IMMP2L: variants seen among roughly 807,000 people sequenced by gnomAD.
The protein encoded by IMMP2L is inner mitochondrial membrane peptidase subunit 2.
Under a neutral mutation model 19.3 loss-of-function variants are expected in IMMP2L, and 18 were observed. The observed-to-expected ratio is 0.93, with a 90% confidence interval of 0.64 to 1.38. IMMP2L has a LOEUF of 1.38. Among genes scored for constraint, IMMP2L ranks in the 40% most tolerant of loss-of-function variants. IMMP2L has a pLI of 0.00. For synonymous variants in IMMP2L, 76 were observed against 73.0 expected (o/e 1.04, Z -0.21); for missense variants, 233 against 218.2 (o/e 1.07, Z -0.43).
In IMMP2L at chr7:111,081,730, G is replaced by C. The variant is rs116846917; in HGVS notation, c.240-118165C>G. 7.7e-4 allele frequency among the ~76,000 whole-genome samples: 117 copies of C among 152,246 alleles called. 2 individuals carry two copies. The East Asian group carries it at 0.02, about 26-fold the overall frequency. On this transcript the variant is annotated intron_variant, in intron 3 of 5. Coordinates refer to ENST00000405709, the MANE Select transcript of IMMP2L (RefSeq NM_032549.4). The stretch of plus-strand genomic sequence containing the variant: ...TTAAAGTAGCTCAACACAGAGGTAA[G>C]AATGACTTCCTCCTGTGACTTTCTA...
intron 3 of IMMP2L, among the ~76,000 whole-genome samples, chr7:111,050,686 G>A (rs1461778522): frequency 6.6e-6 from 1 of 152,146 alleles, no homozygotes; most frequent in Non-Finnish European, 1.5e-5. Flanking sequence ...AACTCTAATT[G>A]CTGCCTGTTT....
At chr7:111,266,251 G>T (rs907055083) in intron 3 of IMMP2L, among the ~76,000 whole-genome samples, 6 of 152,018 alleles carry the variant, frequency 3.9e-5, no homozygotes, top group Admixed American at 3.9e-4. Context: ...GTCATTAAAA[G>T]AAACCAGGGA....
chr7:111,112,292 T>C (rs1333913007), intron 3 of IMMP2L, among the ~76,000 whole-genome samples: 1 of 152,122 alleles, frequency 6.6e-6, no homozygotes, highest in Non-Finnish European at 1.5e-5. Context: ...AACCTGCATA[T>C]AGTGCCTTTA....
At chr7:110,761,592 C>G (rs1798352318) in intron 5 of IMMP2L, among the ~76,000 whole-genome samples, 1 of 152,110 alleles carries the variant, frequency 6.6e-6, no homozygotes, top group Non-Finnish European at 1.5e-5. Flanking sequence ...ATGAAAATAA[C>G]CATTTATACT....
chr7:110,811,064 A>C, intron 5 of IMMP2L, among the ~76,000 whole-genome samples: 1 of 152,006 alleles, frequency 6.6e-6, no homozygotes, highest in East Asian at 1.9e-4. Flanking sequence ...AAGATTCCCC[A>C]GGCTCTGGCT....
At chr7:110,937,355 G>T (rs1816237255) in intron 4 of IMMP2L, among the ~76,000 whole-genome samples, 1 of 152,116 alleles carries the variant, frequency 6.6e-6, no homozygotes, top group Non-Finnish European at 1.5e-5. Context: ...AGGAGTGGGC[G>T]TGGGCCACTG....
chr7:110,806,604 T>C (rs572618311), intron 5 of IMMP2L, among the ~76,000 whole-genome samples: 4 of 151,978 alleles, frequency 2.6e-5, no homozygotes, highest in African/African-American at 9.6e-5. Context: ...ACCCAAAAAA[T>C]AGTTGGTCTC....
At chr7:110,694,605 G>A (rs1006622698) in intron 5 of IMMP2L, among the ~76,000 whole-genome samples, 2 of 152,162 alleles carry the variant, frequency 1.3e-5, no homozygotes, top group Non-Finnish European at 2.9e-5. Context: ...GCAATTGACT[G>A]AGGCATAGTG....
rs187473196 is a variant in IMMP2L at position 111,081,959 on chromosome 7, G to T, written c.240-118394C>A. 2.9e-3 allele frequency among the ~76,000 whole-genome samples: 437 copies of T among 152,316 alleles called. 3 individuals are homozygous for T. Among genetic ancestry groups the T allele is most frequent in the Middle Eastern group, 0.014 (4 of 294 alleles). ...TTAAGTAGGAGCTGCTTTCTTTGCT[G>T]TAGGTTGGCAGAAGCTGGAGAGTGG... On this transcript the variant is annotated intron_variant, in intron 3 of 5. Transcript: ENST00000405709.
chr7:110,955,510 T>C (rs1242224187), intron 4 of IMMP2L, among the ~76,000 whole-genome samples: 2 of 151,572 alleles, frequency 1.3e-5, no homozygotes, highest in Admixed American at 1.3e-4. Flanking sequence ...GCAGCATCGG[T>C]CAGACCCCAA....
chr7:111,539,657 C>A (rs1018820561), intron 1 of IMMP2L, among the ~76,000 whole-genome samples: 1 of 150,428 alleles, frequency 6.6e-6, no homozygotes, highest in East Asian at 1.9e-4. Context: ...TAATGGAATT[C>A]CAACCAAGAT....
intron 2 of IMMP2L, among the ~76,000 whole-genome samples, chr7:111,506,284 A>G (rs1161135402): frequency 6.6e-6 from 1 of 151,306 alleles, no homozygotes; most frequent in African/African-American, 2.5e-5. Flanking sequence ...GACACACCCC[A>G]GAGGTCTCTT....
intron 3 of IMMP2L, among the ~76,000 whole-genome samples, chr7:111,211,194 C>T (rs1194967316): frequency 6.6e-6 from 1 of 152,042 alleles, no homozygotes; most frequent in African/African-American, 2.4e-5. Flanking sequence ...ATATGATTAG[C>T]CTGCATAGAT....
chr7:111,299,099 G>T (rs1410243451), intron 3 of IMMP2L, among the ~76,000 whole-genome samples: 5 of 151,914 alleles, frequency 3.3e-5, no homozygotes, highest in Admixed American at 3.3e-4. Flanking sequence ...ATAAATAACT[G>T]GTGTACAATG....
intron 4 of IMMP2L, among the ~76,000 whole-genome samples, chr7:110,891,128 C>G (rs1810747370): frequency 6.6e-6 from 1 of 151,370 alleles, no homozygotes; most frequent in Non-Finnish European, 1.5e-5. Flanking sequence ...TCCCTGGATA[C>G]TAGATCCATG....
At chr7:110,838,217 C>T (rs1010559910) in intron 5 of IMMP2L, among the ~76,000 whole-genome samples, 1 of 152,068 alleles carries the variant, frequency 6.6e-6, no homozygotes, top group Non-Finnish European at 1.5e-5. Context: ...CATAAATACA[C>T]ATTTATCTAT....
intron 2 of IMMP2L, among the ~76,000 whole-genome samples, chr7:111,514,968 T>G (rs919667570): frequency 1.3e-5 from 2 of 152,108 alleles, no homozygotes; most frequent in African/African-American, 4.8e-5. Context: ...TCTTGTTGCT[T>G]TCTGCTATTT....
At chr7:111,401,569 A>G (rs1198105294) in intron 3 of IMMP2L, among the ~76,000 whole-genome samples, 1 of 152,176 alleles carries the variant, frequency 6.6e-6, no homozygotes, top group African/African-American at 2.4e-5. Flanking sequence ...TGTCCTTTCC[A>G]AAGAAACACT....
At chr7:111,243,212 T>C (rs1815358198) in intron 3 of IMMP2L, among the ~76,000 whole-genome samples, 1 of 152,060 alleles carries the variant, frequency 6.6e-6, no homozygotes, top group South Asian at 2.1e-4. Context: ...ATACATATTC[T>C]GAATGTGAAG....
Sources: allele counts gnomAD v4.1 joint callset (sites outside exome capture counted in the v4.1 genomes callset), GRCh38; gene constraint gnomAD v4.1.1; transcripts MANE v1.5; gene names NCBI Gene and HGNC (gene_info 2026-07-23, HGNC 2026-07-21).